ITSN2: variants seen among roughly 807,000 people sequenced by gnomAD.
ITSN2 encodes intersectin-2.
In ITSN2, 156 loss-of-function variants were observed where a neutral mutation model predicts 243.7. The ratio of observed to expected loss-of-function variants is 0.64; its 90% CI spans 0.56 to 0.73. The LOEUF is 0.73. ITSN2 is among the 30% of genes least tolerant of loss of function. ITSN2 has a pLI of 0.00. For missense variants in ITSN2, 1,801 were observed against 1,996.1 expected (o/e 0.90, Z 1.86); for synonymous variants, 703 against 699.9 (o/e 1.00, Z -0.07).
At chr2:24,340,480 CAAA>C (rs953572108) in intron 1 of ITSN2, among the ~76,000 whole-genome samples, 1 of 125,974 alleles carries the variant, frequency 7.9e-6, no homozygotes. Flanking sequence ...AACTCCATCT[CAAA>C]AAAAAAAAAA....
chr2:24,286,176 A>G (rs1679476039), intron 16 of ITSN2, 36 bp downstream of exon 16: 1 of 1,264,668 alleles, frequency 7.9e-7, no homozygotes, highest in Non-Finnish European at 1.1e-6. Flanking sequence ...GTAAGAAGGC[A>G]GTTACCTAAA....
chr2:24,337,315 A>AATATATATATATATATATATATACATAT (rs1686505897), intron 1 of ITSN2, among the ~76,000 whole-genome samples: 1 of 32,026 alleles, frequency 3.1e-5, no homozygotes, highest in Non-Finnish European at 5.7e-5. Context: ...GTATACACAA[A>AATATATATATATATATATATATACATAT]ATATATATAT....
At chr2:24,229,326 C>T (rs560201315) in intron 29 of ITSN2, among the ~76,000 whole-genome samples, 5 of 152,120 alleles carry the variant, frequency 3.3e-5, no homozygotes, top group Admixed American at 1.3e-4. Context: ...GGCTCACTCA[C>T]GCCTGTAATC....
intron 1 of ITSN2, among the ~76,000 whole-genome samples, chr2:24,331,692 C>T (rs977085804): frequency 4.6e-5 from 7 of 152,170 alleles, no homozygotes; most frequent in African/African-American, 1.7e-4. Context: ...CCTGACCCCC[C>T]AATCATTAGT....
intron 1 of ITSN2, among the ~76,000 whole-genome samples, chr2:24,358,001 G>C (rs1033024490): frequency 1.3e-5 from 2 of 151,936 alleles, no homozygotes; most frequent in Non-Finnish European, 2.9e-5. Context: ...TGCAACCTCC[G>C]CCTCCCGGGT....
At chr2:24,359,853 CAACCCTTGCCAGGAAGGAA>C (rs1474589850) in intron 1 of ITSN2, among the ~76,000 whole-genome samples, 3 of 152,126 alleles carry the variant, frequency 2.0e-5, no homozygotes, top group Non-Finnish European at 4.4e-5. Flanking sequence ...CATTCGGCAC[CAACCCTTGCCAGGAAGGAA>C]AACCAACTCC....
chr2:24,318,977 G>C (rs958144143), intron 2 of ITSN2, among the ~76,000 whole-genome samples: 1 of 152,160 alleles, frequency 6.6e-6, no homozygotes, highest in Non-Finnish European at 1.5e-5. Flanking sequence ...GTGTGTGTGA[G>C]GGATCTGGGT....
At chr2:24,208,811 G>A (rs977168088) in intron 36 of ITSN2, among the ~76,000 whole-genome samples, 12 of 152,200 alleles carry the variant, frequency 7.9e-5, no homozygotes, top group Admixed American at 2.0e-4. Context: ...GTGGGCTGTC[G>A]CCTGCGGGCA....
chr2:24,239,948 G>C (rs1411015587), intron 29 of ITSN2: 1 of 151,986 alleles, frequency 6.6e-6, no homozygotes, highest in Non-Finnish European at 1.5e-5. Flanking sequence ...TTAATCCATA[G>C]GTACCTGATG....
intron 15 of ITSN2, among the ~76,000 whole-genome samples, chr2:24,289,528 A>G (rs1679965239): frequency 1.3e-5 from 2 of 152,320 alleles, no homozygotes; most frequent in South Asian, 4.1e-4. Context: ...AACATATAGG[A>G]TCATGTCATC....
intron 38 of ITSN2, 113 bp downstream of exon 38, chr2:24,205,101 C>A (rs767662915): frequency 1.5e-5 from 12 of 789,880 alleles, no homozygotes; most frequent in Non-Finnish European, 2.2e-5. Context: ...GAGCCAAGAT[C>A]GTGCCACTGC....
At chr2:24,275,140 A>G (rs766264237) in intron 18 of ITSN2, among the ~76,000 whole-genome samples, 8 of 152,260 alleles carry the variant, frequency 5.3e-5, no homozygotes, top group Non-Finnish European at 7.3e-5. Context: ...CAGGAAACTA[A>G]TAGATTTACC....
At chr2:24,261,909 A>T (rs1675939792) in intron 20 of ITSN2, among the ~76,000 whole-genome samples, 167 bp from the exon 21 acceptor site, 1 of 152,194 alleles carries the variant, frequency 6.6e-6, no homozygotes, top group Non-Finnish European at 1.5e-5. Flanking sequence ...AGTGACTGGC[A>T]AGTTGTCTTT....
At chr2:24,359,633 A>AAAAT (rs1023150467) in intron 1 of ITSN2, among the ~76,000 whole-genome samples, 3 of 152,158 alleles carry the variant, frequency 2.0e-5, no homozygotes, top group South Asian at 2.1e-4. Context: ...GACGTCTTTA[A>AAAAT]AAATAAATAA....
chr2:24,252,537 T>A, intron 24 of ITSN2, 26 bp from the exon 25 acceptor site: 2 of 1,540,596 alleles, frequency 1.3e-6, no homozygotes, highest in Non-Finnish European at 1.8e-6. Context: ...CAAAAAGAAG[T>A]AGATTCTGGT....
chr2:24,331,037 G>C (rs571718352), intron 1 of ITSN2, among the ~76,000 whole-genome samples: 1 of 147,054 alleles, frequency 6.8e-6, no homozygotes, highest in East Asian at 2.0e-4. Context: ...AAAGTGCTGA[G>C]ATTATAGGCA....
chr2:24,210,981 C>A, intron 33 of ITSN2, 34 bp from the exon 34 acceptor site: 4 of 1,607,644 alleles, frequency 2.5e-6, no homozygotes, highest in Non-Finnish European at 3.4e-6. Flanking sequence ...CATGGGGGAG[C>A]TGCGTCTCTC....
At chr2:24,294,981 G>A (rs1680751550) in intron 14 of ITSN2, among the ~76,000 whole-genome samples, 1 of 152,144 alleles carries the variant, frequency 6.6e-6, no homozygotes, top group Non-Finnish European at 1.5e-5. Context: ...CACTGAATCT[G>A]CTAACACCTT....
chr2:24,301,077 C>A (rs1170673752), intron 11 of ITSN2, 77 bp downstream of exon 11: 12 of 757,728 alleles, frequency 1.6e-5, no homozygotes, highest in East Asian at 1.1e-4. Flanking sequence ...TATAAAAATT[C>A]TAAATATTCC....
Sources: gnomAD v4.1 joint callset for allele counts (sites outside exome capture counted in the v4.1 genomes callset) on GRCh38, gnomAD v4.1.1 for gene constraint, MANE v1.5 for transcripts, NCBI Gene and HGNC (gene_info 2026-07-23, HGNC 2026-07-21) for gene names.